Variants in HACL1 observed in about 807,000 individuals in gnomAD.
HACL1 encodes 2-hydroxyacyl-CoA lyase 1, also known as 1600020H07Rik.
Under a neutral mutation model 74.2 loss-of-function variants are expected in HACL1, and 64 were observed. The observed-to-expected ratio is 0.86, with a 90% CI of 0.70 to 1.06. The LOEUF (loss-of-function observed/expected upper bound fraction) is 1.06, where lower values mean the gene tolerates loss of function less well. Among genes scored for constraint, HACL1 ranks in the 50% least tolerant of loss-of-function variants. HACL1 has a pLI of 0.00. For missense variants in HACL1, 728 were observed against 719.7 expected (o/e 1.01, Z -0.13); for synonymous variants, 230 against 238.8 (o/e 0.96, Z 0.34).
Position 15,585,361 on chromosome 3 carries a change from G to A in HACL1, c.460-19C>T, listed in dbSNP as rs1269473876. The A allele has an allele frequency of 7.4e-7, 1 of 1,349,508 alleles. No individual in the cohort carries two copies. Among genetic ancestry groups the A allele is most frequent in the Non-Finnish European group, 1.1e-6 (1 of 944,844 alleles). 83.6% of individuals were successfully genotyped at this position (1,349,508 alleles called of 1,614,324 possible). A position where few individuals can be genotyped will look rare whatever the true frequency, so the allele number is the denominator to read the frequency against. On this transcript the variant is annotated intron_variant, in intron 6 of 16. Coordinates refer to ENST00000321169, the MANE Select transcript of HACL1 (RefSeq NM_012260.4). Reference sequence around the variant, plus strand: ...TCACTGCCTACGTTCATTACAAGTAGAAGAAAAGATTTGTAAAATCTCAGT... The same window carrying A: ...TCACTGCCTACGTTCATTACAAGTAAAAGAAAAGATTTGTAAAATCTCAGT...
In HACL1 at chr3:15,575,065, T is replaced by C. The variant is rs1173942494; in HGVS notation, c.821A>G (p.Asp274Gly). 1 of 1,571,264 alleles carries C rather than the reference T, an allele frequency of 6.4e-7. No homozygotes were observed. Among genetic ancestry groups the C allele is most frequent in the Non-Finnish European group, 8.8e-7 (1 of 1,142,622 alleles). The stretch of plus-strand genomic sequence containing the variant: ...TCTGGCACCAAATAACACAATTACA[T>C]CAGCAAATTGCAAAGCCCTATTAAA... Reference protein sequence around the residue: ...AARSRALQFADVIVLFGARLN... With the variant: ...AARSRALQFAGVIVLFGARLN... Residue 274 changes from aspartate to glycine, a missense_variant, in exon 10 of 17, where the codon GAT becomes GGT. Physicochemically the swap from Asp to Gly is moderately conservative, Grantham distance 94. Coordinates refer to ENST00000321169, the MANE Select transcript of HACL1 (RefSeq NM_012260.4).
At chr3:15,580,922 G>A (rs2125255955) in intron 8 of HACL1, among the ~76,000 whole-genome samples, 1 of 152,304 alleles carries the variant, frequency 6.6e-6, no homozygotes, top group Non-Finnish European at 1.5e-5. Context: ...TGTTGTTGAG[G>A]CAAAGTCTCA....
At chr3:15,581,498 T>G (rs1234732618) in intron 8 of HACL1, among the ~76,000 whole-genome samples, 1 of 152,176 alleles carries the variant, frequency 6.6e-6, no homozygotes, top group Non-Finnish European at 1.5e-5. Context: ...GAAAAATAGT[T>G]CCTTTTCTTT....
chr3:15,596,372 AT>A lies in HACL1; in HGVS notation c.227+11del. On this transcript the variant is annotated intron_variant, in intron 3 of 16. Transcript: ENST00000321169. Reference sequence around the variant, plus strand: ...TATTAAAGTAATTGAAGTGAAACAAATTTTAGTTTACCTGCTTGTCAGATAT... The same window carrying A: ...TATTAAAGTAATTGAAGTGAAACAAATTTAGTTTACCTGCTTGTCAGATAT... 3 of 1,532,386 alleles carry A rather than the reference AT, an allele frequency of 2.0e-6. No individual in the cohort carries two copies. Among genetic ancestry groups the A allele is most frequent in the Non-Finnish European group, 2.7e-6 (3 of 1,105,800 alleles). The allele number at this position is 1,532,386 out of a possible 1,614,324, so 94.9% of individuals were successfully genotyped here.
chr3:15,573,244 TAA>T lies in HACL1; in HGVS notation c.910-4_910-3del. ...CAATTCTTCTGCACAGATATCAACC[TAA>T]AAAAGAGACAAGGCTAAAGAACAAC... On this transcript the variant is annotated splice_region_variant and splice_polypyrimidine_tract_variant and intron_variant, in intron 10 of 16. Coordinates refer to ENST00000321169, the MANE Select transcript of HACL1 (RefSeq NM_012260.4). 6.3e-7 allele frequency: 1 copy of T among 1,582,888 alleles called. No individual in the cohort carries two copies.
intron 10 of HACL1, among the ~76,000 whole-genome samples, chr3:15,574,621 C>G (rs2063591362): frequency 6.6e-6 from 1 of 152,222 alleles, no homozygotes; most frequent in South Asian, 2.1e-4. Flanking sequence ...AAGAAAACCT[C>G]ACTCCCTAAC....
chr3:15,591,919 G>GTA (rs112406634), intron 3 of HACL1, among the ~76,000 whole-genome samples: 210 of 149,450 alleles, frequency 1.4e-3, no homozygotes, highest in African/African-American at 5.0e-3. Context: ...TGTATATAGT[G>GTA]TATATATACG....
rs535776240 is a variant in HACL1, at chr3:15,570,291, C to T, written c.1095+1377G>A. Among the ~76,000 whole-genome samples, 221 of 151,288 alleles carry T rather than the reference C, an allele frequency of 1.5e-3. 3 individuals are homozygous for T. Among genetic ancestry groups the T allele is most frequent in the Middle Eastern group, 3.4e-3 (1 of 294 alleles). On this transcript the variant is annotated intron_variant, in intron 12 of 16. Coordinates refer to ENST00000321169, the MANE Select transcript of HACL1 (RefSeq NM_012260.4). ...CAGAGGTTGCAGTGAGCCAAGATCA[C>T]GCCATTGCACTCCAGCCCTCTAGCC...
chr3:15,595,901 G>T (rs113746877), intron 3 of HACL1: 1 of 152,624 alleles, frequency 6.6e-6, no homozygotes, highest in Non-Finnish European at 1.5e-5. Flanking sequence ...GTGACCCACC[G>T]TGCCTAGTCG....
intron 5 of HACL1, among the ~76,000 whole-genome samples, chr3:15,586,816 T>C (rs2063803065): frequency 6.6e-6 from 1 of 152,140 alleles, no homozygotes; most frequent in African/African-American, 2.4e-5. Context: ...GCAAAATCTT[T>C]TGGCAAAGAT....
intron 2 of HACL1, 53 bp downstream of exon 2, chr3:15,601,037 G>C: frequency 1.9e-6 from 2 of 1,062,852 alleles, no homozygotes; most frequent in Non-Finnish European, 3.0e-6. Flanking sequence ...CATACCTACC[G>C]CTATTACTGA....
chr3:15,564,773 T>C, intron 14 of HACL1, 115 bp from the exon 15 acceptor site: 5 of 554,450 alleles, frequency 9.0e-6, no homozygotes, highest in Admixed American at 3.4e-5. Context: ...TTTTGTATTA[T>C]TAGAGGAAGA....
At chr3:15,598,400 C>G (rs1002526751) in intron 2 of HACL1, among the ~76,000 whole-genome samples, 3 of 152,160 alleles carry the variant, frequency 2.0e-5, no homozygotes, top group African/African-American at 7.2e-5. Context: ...GTACATGGTA[C>G]TTAGAGAGTG....
Position 15,585,963 on chromosome 3 carries a change from T to C in HACL1, c.459+562A>G, listed in dbSNP as rs764616596. 1.7e-4 allele frequency among the ~76,000 whole-genome samples: 26 copies of C among 152,042 alleles called. 1 individual carries two copies. The highest frequency in any genetic ancestry group is 2.9e-5 in the Non-Finnish European group (2 of 67,966). On this transcript the variant is annotated intron_variant, in intron 6 of 16. Coordinates refer to ENST00000321169, the MANE Select transcript of HACL1 (RefSeq NM_012260.4). ...TTATTCAGCATCCCCAAGGGAAAAA[T>C]AATCATCAGACTATGTGTATAAGGT...
chr3:15,587,957 G>C (rs116190049), intron 5 of HACL1, among the ~76,000 whole-genome samples: 2 of 151,716 alleles, frequency 1.3e-5, no homozygotes, highest in East Asian at 1.9e-4. Flanking sequence ...ACAGTGGTAC[G>C]ATCTCGGCTC....
chr3:15,591,779 G>T, intron 3 of HACL1, 99 bp from the exon 4 acceptor site: 1 of 687,434 alleles, frequency 1.5e-6, no homozygotes, highest in Non-Finnish European at 2.6e-6. Flanking sequence ...TCAAAGGAAG[G>T]ACATACAAGT....
chr3:15,571,177 T>C (rs868224881), intron 12 of HACL1, among the ~76,000 whole-genome samples: 1 of 151,918 alleles, frequency 6.6e-6, no homozygotes, highest in African/African-American at 2.4e-5. Context: ...AAGGTCTTGC[T>C]ATGCCCAGGT....
intron 16 of HACL1, among the ~76,000 whole-genome samples, chr3:15,562,602 T>C (rs1382289022): frequency 1.3e-5 from 2 of 151,192 alleles, no homozygotes; most frequent in Non-Finnish European, 2.9e-5. Flanking sequence ...CTGATAAGAG[T>C]GGCTGATACA....
At chr3:15,587,384 T>C (rs1282855665) in intron 5 of HACL1, among the ~76,000 whole-genome samples, 1 of 148,244 alleles carries the variant, frequency 6.7e-6, no homozygotes, top group African/African-American at 2.5e-5. Context: ...ATAGAAACTG[T>C]TTCTCTTGAT....
Sources: gnomAD v4.1 joint callset for allele counts (sites outside exome capture counted in the v4.1 genomes callset) on GRCh38, gnomAD v4.1.1 for gene constraint, MANE v1.5 for transcripts, NCBI Gene and HGNC (gene_info 2026-07-23, HGNC 2026-07-21) for gene names.